Variants in ZNF534 observed in about 807,000 individuals in gnomAD.
ZNF534 encodes the protein zinc finger protein 534, also known as KRAB domain only 3.
A neutral mutation model predicts 13.6 loss-of-function variants in ZNF534; 19 were observed. The ratio of observed to expected loss-of-function variants is 1.40; its 90% CI spans 0.97 to 2.05. ZNF534 has a LOEUF of 2.05. ZNF534 is among the 30% of genes most tolerant of loss of function. The probability of loss-of-function intolerance (pLI) is 0.00; values close to 1 mark genes in which losing one functional copy is unlikely to be tolerated. For synonymous variants in ZNF534, 244 were observed against 273.8 expected (o/e 0.89, Z 1.07); for missense variants, 782 against 796.3 (o/e 0.98, Z 0.22).
downstream of ZNF534, among the ~76,000 whole-genome samples, chr19:52,445,253 G>A (rs1385991524): frequency 6.6e-6 from 1 of 151,360 alleles, no homozygotes; most frequent in African/African-American, 2.4e-5. Context: ...CTGGAGTGCA[G>A]TGGTGCAGTC....
At chr19:52,433,655 C>T (rs935754816) in intron 2 of ZNF534, among the ~76,000 whole-genome samples, 4 of 152,222 alleles carry the variant, frequency 2.6e-5, no homozygotes, top group African/African-American at 7.2e-5. Context: ...CATGAGCCGC[C>T]GTGCCCGGCA....
rs995828289 is a variant in ZNF534 at position 52,439,806 on chromosome 19, C to T, written c.*360C>T. ...TGAAGCTGCCAAGCATGGTGGCTCA[C>T]GCCTTTAATCCCAGTACTTTGGGAG... On this transcript the variant is annotated 3_prime_UTR_variant, in exon 5 of 5. Coordinates refer to ENST00000433050, the MANE Select transcript of ZNF534 (RefSeq NM_001143938.3). Among the ~76,000 whole-genome samples, 11 of 151,878 alleles carry T rather than the reference C, an allele frequency of 7.2e-5. No individual in the cohort carries two copies. Among genetic ancestry groups the T allele is most frequent in the African/African-American group, 1.2e-4 (5 of 41,344 alleles).
rs1016850789 is a variant in ZNF534, at chr19:52,429,194, C to T, written c.-118C>T. The T allele has an allele frequency of 2.6e-5, 4 of 152,078 alleles. No homozygotes were observed. The highest frequency in any genetic ancestry group is 9.7e-5 in the African/African-American group (4 of 41,332). 9.4% of individuals were successfully genotyped at this position (152,078 alleles called of 1,614,324 possible). ...GGAGTGAACGTTTCGCGCGCTTTTT[C>T]CTGTAGACCCGGCACCCGACTGCGC... is the stretch of plus-strand genomic sequence containing the variant. On this transcript the variant is annotated 5_prime_UTR_variant, in exon 1 of 5. Coordinates refer to ENST00000433050, the MANE Select transcript of ZNF534 (RefSeq NM_001143938.3).
intron 4 of ZNF534, among the ~76,000 whole-genome samples, chr19:52,448,743 A>G (rs997481592): frequency 2.0e-5 from 3 of 152,170 alleles, no homozygotes; most frequent in African/African-American, 7.2e-5. Context: ...TTCTTTTAAC[A>G]TTTTCAATGG....
downstream of ZNF534, among the ~76,000 whole-genome samples, chr19:52,446,127 T>C (rs1021212416): frequency 6.6e-6 from 1 of 152,206 alleles, no homozygotes; most frequent in Non-Finnish European, 1.5e-5. Flanking sequence ...GTGCTTGCTC[T>C]CTTCAGGTGC....
Position 52,438,775 on chromosome 19 carries a change from G to C in ZNF534, c.1315G>C (p.Glu439Gln). The stretch of plus-strand genomic sequence containing the variant: ...AATCCATACTGGAGAGAAACCTTAC[G>C]AATGTATAGACTGTGGCAAGGTCTT... ...LLIHTGEKPY[E>Q]CIDCGKVFRH... Residue 439 changes from glutamate to glutamine, a missense_variant, in exon 5 of 5, where the codon GAA (glutamate) becomes CAA (glutamine). Physicochemically the swap from Glu to Gln is conservative, Grantham distance 29. Transcript: ENST00000433050. 1 of 1,606,562 alleles carries C rather than the reference G, an allele frequency of 6.2e-7. No individual in the cohort carries two copies. The highest frequency in any genetic ancestry group is 8.5e-7 in the Non-Finnish European group (1 of 1,176,278).
intron 4 of ZNF534, among the ~76,000 whole-genome samples, chr19:52,448,321 C>T (rs1481218832): frequency 6.6e-6 from 1 of 151,986 alleles, no homozygotes; most frequent in Non-Finnish European, 1.5e-5. Flanking sequence ...GTGCTTGAAC[C>T]TAGGAGTTGG....
downstream of ZNF534, among the ~76,000 whole-genome samples, chr19:52,444,641 C>G (rs886641586): frequency 7.2e-5 from 11 of 151,850 alleles, no homozygotes; most frequent in Non-Finnish European, 1.2e-4. Flanking sequence ...CTAGGTGTGT[C>G]TGAGCTCAGA....
At position 52,451,020 on chromosome 19, in the gene ZNF534, G is replaced by A. The variant is rs186773966; in HGVS notation, c.272-167G>A. ...ATTTTTTTCTATTTCTGTGAATAATGTCTTTTGATATTTTGAAAGAGAATG... is the reference window on the plus strand; with the variant it reads ...ATTTTTTTCTATTTCTGTGAATAATATCTTTTGATATTTTGAAAGAGAATG... On this transcript the variant is annotated intron_variant, in intron 4 of 4. Transcript: ENST00000301085. Among the ~76,000 whole-genome samples, 5 of 152,100 alleles carry A rather than the reference G, an allele frequency of 3.3e-5. No homozygotes were observed. The East Asian group carries it at 9.7e-4, about 29-fold the overall frequency.
chr19:52,448,975 G>C (rs2059203492), intron 4 of ZNF534, among the ~76,000 whole-genome samples: 1 of 151,510 alleles, frequency 6.6e-6, no homozygotes, highest in Admixed American at 6.6e-5. Context: ...GTTTTTTTTG[G>C]TACCCATTAA....
In ZNF534 at chr19:52,450,538, A is replaced by G. The variant is rs115697200; in HGVS notation, c.272-649A>G. Among the ~76,000 whole-genome samples the G allele has an allele frequency of 8.2e-3, 1,244 of 152,124 alleles. 22 individuals are homozygous for G. Among genetic ancestry groups the G allele is most frequent in the African/African-American group, 0.029 (1,187 of 41,496 alleles). ...TGTGTCTATTTTTATCCCAGTAGCA[A>G]GCTGTTTTGGATACCATTACTTTCT... On this transcript the variant is annotated intron_variant, in intron 4 of 4. Transcript: ENST00000301085.
intron 4 of ZNF534, among the ~76,000 whole-genome samples, chr19:52,448,667 A>G (rs2059202331): frequency 6.6e-6 from 1 of 152,206 alleles, no homozygotes; most frequent in African/African-American, 2.4e-5. Flanking sequence ...TAAGAACACA[A>G]CGTGAGCTCT....
At position 52,438,274 on chromosome 19, in the gene ZNF534, A is replaced by G. The variant is rs1198605586; in HGVS notation, c.814A>G (p.Asn272Asp). Residue 272 changes from asparagine (N) to aspartate (D), a missense_variant, in exon 5 of 5, where the codon AAC becomes GAC. Asn to Asp is a conservative substitution (Grantham distance 23). Around this residue, in one of 5 missense-constraint regions of ZNF534, gnomAD observed 591 missense variants for 574.0 expected, o/e 1.03. Transcript: ENST00000433050. Reference protein sequence around the residue: ...KIHTGQKPYNNKECGKVFSHH... With the variant: ...KIHTGQKPYNDKECGKVFSHH... ...TCATACTGGACAGAAACCTTACAAT[A>G]ACAAAGAATGTGGGAAAGTCTTTAG... 1.2e-6 allele frequency: 2 copies of G among 1,605,044 alleles called. No homozygotes were observed. Among genetic ancestry groups the G allele is most frequent in the Admixed American group, 1.7e-5 (1 of 59,776 alleles).
intron 2 of ZNF534, among the ~76,000 whole-genome samples, 157 bp downstream of exon 2, chr19:52,431,646 T>A (rs1314501135): frequency 1.3e-5 from 2 of 152,122 alleles, no homozygotes; most frequent in African/African-American, 4.8e-5. Context: ...CACTTAAGAT[T>A]CCAGTTCCCT....
intron 2 of ZNF534, 81 bp from the exon 3 acceptor site, chr19:52,433,874 T>C (rs920600300): frequency 1.9e-6 from 3 of 1,543,990 alleles, no homozygotes; most frequent in Non-Finnish European, 2.7e-6. Context: ...GTGGAGTGAG[T>C]CCTTACAACT....
chr19:52,448,540 G>T (rs1355193316), intron 4 of ZNF534, among the ~76,000 whole-genome samples: 2 of 152,180 alleles, frequency 1.3e-5, no homozygotes, highest in Middle Eastern at 3.2e-3. Context: ...CTCCAACCTG[G>T]ATGACAGAGT....
intron 4 of ZNF534, among the ~76,000 whole-genome samples, chr19:52,447,603 GT>G (rs1204007600): frequency 6.6e-6 from 1 of 151,510 alleles, no homozygotes; most frequent in African/African-American, 2.4e-5. Context: ...ATTTTGTTGT[GT>G]TTTTTTCTGC....
In ZNF534 at chr19:52,438,257, G is replaced by C. The variant is rs1275212387; in HGVS notation, c.797G>C (p.Gly266Ala). Residue 266 changes from glycine to alanine, a missense_variant, in exon 5 of 5, where the codon GGA (glycine) becomes GCA (alanine). Gly to Ala is a moderately conservative substitution (Grantham distance 60, BLOSUM62 0). Coordinates refer to ENST00000433050, the MANE Select transcript of ZNF534 (RefSeq NM_001143938.3). ...GCACAACATCAGAAAATTCATACTG[G>C]ACAGAAACCTTACAATAACAAAGAA... ...HLAQHQKIHT[G>A]QKPYNNKECG... 2 of 1,605,716 alleles carry C rather than the reference G, an allele frequency of 1.2e-6. No individual in the cohort carries two copies. Among genetic ancestry groups the C allele is most frequent in the African/African-American group, 1.3e-5 (1 of 74,826 alleles).
chr19:52,447,230 ATAAAG>A, downstream of ZNF534, among the ~76,000 whole-genome samples: 1 of 152,346 alleles, frequency 6.6e-6, no homozygotes, highest in African/African-American at 2.4e-5. Context: ...CTTTTGACAC[ATAAAG>A]TAACCCAGAT....
Sources: gnomAD v4.1 joint callset for allele counts (sites outside exome capture counted in the v4.1 genomes callset) on GRCh38, gnomAD v4.1.1 for gene constraint, gnomAD v4.1.1 regional missense constraint, MANE v1.5 for transcripts, NCBI Gene and HGNC (gene_info 2026-07-23, HGNC 2026-07-21) for gene names.